UCK2: variants seen among roughly 807,000 people sequenced by gnomAD.
UCK2 encodes the protein cytidine monophosphokinase 2.
Under a neutral mutation model 30.8 loss-of-function variants are expected in UCK2, and 6 were observed. That is an observed-to-expected ratio of 0.19 (90% confidence interval 0.11 to 0.38). The LOEUF (loss-of-function observed/expected upper bound fraction) is 0.38, where lower values mean the gene tolerates loss of function less well. Among genes scored for constraint, UCK2 ranks in the 10% least tolerant of loss-of-function variants. The probability of loss-of-function intolerance (pLI) is 1.00; values close to 1 mark genes in which losing one functional copy is unlikely to be tolerated. For missense variants in UCK2, 210 were observed against 339.8 expected (o/e 0.62, Z 3.00); for synonymous variants, 125 against 133.6 (o/e 0.94, Z 0.45).
At chr1:165,854,463 C>T (rs1303915902) in intron 1 of UCK2, among the ~76,000 whole-genome samples, 1 of 152,116 alleles carries the variant, frequency 6.6e-6, no homozygotes, top group African/African-American at 2.4e-5. Context: ...TCACATACTG[C>T]AGAGAACCAA....
At chr1:165,884,105 G>C (rs936198875) in intron 1 of UCK2, among the ~76,000 whole-genome samples, 2 of 146,018 alleles carry the variant, frequency 1.4e-5, no homozygotes, top group African/African-American at 5.0e-5. Flanking sequence ...CTTTATGATA[G>C]TGACAGGGAA....
chr1:165,847,858 C>T (rs181535561), intron 1 of UCK2, among the ~76,000 whole-genome samples: 190 of 152,212 alleles, frequency 1.2e-3, no homozygotes, highest in Middle Eastern at 3.4e-3. Context: ...CAGTGGCGTA[C>T]TCTTGGCTCA....
In UCK2 at chr1:165,827,739, C is replaced by G. The variant is rs1653922091; in HGVS notation, c.-95C>G. On this transcript the variant is annotated 5_prime_UTR_variant, in exon 1 of 7. Transcript: ENST00000367879. The stretch of plus-strand genomic sequence containing the variant: ...CGGCCTCAGCCCCGGCAGCGCCCAG[C>G]GGCGGCTGCGGAAAGCGGAGGGAGT... 3 of 1,125,790 alleles carry G rather than the reference C, an allele frequency of 2.7e-6. No individual in the cohort carries two copies. 69.7% of individuals were successfully genotyped at this position (1,125,790 alleles called of 1,614,324 possible). A position where few individuals can be genotyped will look rare whatever the true frequency, so the allele number is the denominator to read the frequency against.
intron 1 of UCK2, among the ~76,000 whole-genome samples, chr1:165,866,000 C>T (rs1235958967): frequency 6.6e-6 from 1 of 152,122 alleles, no homozygotes; most frequent in Admixed American, 6.5e-5. Context: ...GAAGGGCTGC[C>T]TAAAACTGAG....
At chr1:165,849,981 G>A (rs1044136102) in intron 1 of UCK2, among the ~76,000 whole-genome samples, 4 of 152,134 alleles carry the variant, frequency 2.6e-5, no homozygotes, top group African/African-American at 9.7e-5. Flanking sequence ...GGATTAACAG[G>A]TAAGAGTTTG....
chr1:165,907,645 G>A (rs79016638), intron 6 of UCK2, 39 bp from the exon 7 acceptor site: 1 of 1,607,792 alleles, frequency 6.2e-7, no homozygotes. Context: ...CTGCACCCAT[G>A]CCTGCACCCG....
chr1:165,857,111 G>T (rs1203955863), intron 1 of UCK2, among the ~76,000 whole-genome samples: 2 of 152,122 alleles, frequency 1.3e-5, no homozygotes, highest in Admixed American at 6.5e-5. Context: ...GTCTTGTGGG[G>T]TAGATGGTAT....
chr1:165,907,559 C>G, intron 6 of UCK2, 125 bp from the exon 7 acceptor site: 2 of 1,361,494 alleles, frequency 1.5e-6, no homozygotes, highest in Admixed American at 5.1e-5. Flanking sequence ...CTGCAAGTGG[C>G]AGAGCCACTT....
chr1:165,890,058 C>T (rs1655726419), intron 1 of UCK2, 146 bp from the exon 2 acceptor site: 1 of 804,972 alleles, frequency 1.2e-6, no homozygotes, highest in Non-Finnish European at 2.0e-6. Context: ...AGCCCTTTAA[C>T]TCATCATGCA....
At chr1:165,836,757 G>A (rs530454517) in intron 1 of UCK2, among the ~76,000 whole-genome samples, 1 of 152,342 alleles carries the variant, frequency 6.6e-6, no homozygotes, top group East Asian at 1.9e-4. Context: ...GGCTCAGGAA[G>A]TTTTCATGTA....
At chr1:165,884,755 A>G (rs532376332) in intron 1 of UCK2, among the ~76,000 whole-genome samples, 1 of 152,316 alleles carries the variant, frequency 6.6e-6, no homozygotes, top group African/African-American at 2.4e-5. Flanking sequence ...GATTTTAGAG[A>G]AATATCCTTT....
chr1:165,905,976 C>A lies in UCK2; in HGVS notation c.646+7C>A, dbSNP rs1293544651. 1 of 1,613,038 alleles carries A rather than the reference C, an allele frequency of 6.2e-7. No individual in the cohort carries two copies. Among genetic ancestry groups the A allele is most frequent in the Non-Finnish European group, 8.5e-7 (1 of 1,179,122 alleles). On this transcript the variant is annotated splice_region_variant and intron_variant, in intron 6 of 6. Coordinates refer to ENST00000367879, the MANE Select transcript of UCK2 (RefSeq NM_012474.5). The stretch of plus-strand genomic sequence containing the variant: ...AGAGGTGCAGATAATCTGGGTGAGT[C>A]CCTGCAGAGTGTCATCCTGGAGTAT...
At chr1:165,890,454 C>A in intron 2 of UCK2, 91 bp downstream of exon 2, 1 of 1,318,952 alleles carries the variant, frequency 7.6e-7, no homozygotes, top group East Asian at 2.4e-5. Context: ...CTTAACCTCT[C>A]GGAATCTTGT....
intron 1 of UCK2, among the ~76,000 whole-genome samples, chr1:165,833,449 A>G (rs1571261620): frequency 6.6e-6 from 1 of 152,178 alleles, no homozygotes; most frequent in East Asian, 1.9e-4. Flanking sequence ...GTCTGGTAGA[A>G]TGAAGAAGAA....
intron 6 of UCK2, among the ~76,000 whole-genome samples, chr1:165,906,463 G>A (rs377648150): frequency 6.6e-6 from 1 of 152,190 alleles, no homozygotes; most frequent in Non-Finnish European, 1.5e-5. Context: ...CAGCTCATTT[G>A]CAGCCTCCAA....
At position 165,883,014 on chromosome 1, in the gene UCK2, C is replaced by T. The variant is rs1012554650; in HGVS notation, c.100-7190C>T. On this transcript the variant is annotated intron_variant, in intron 1 of 6. Transcript: ENST00000367879. Reference sequence around the variant, plus strand: ...TAATTTTTTGTATTTTTAGTAGAGACCGGGTTTCACCATGTTGGCCAGGAT... The same window carrying T: ...TAATTTTTTGTATTTTTAGTAGAGATCGGGTTTCACCATGTTGGCCAGGAT... Among the ~76,000 whole-genome samples the T allele has an allele frequency of 1.6e-4, 25 of 152,084 alleles. 1 individual carries two copies. Among genetic ancestry groups the T allele is most frequent in the South Asian group, 1.5e-3 (7 of 4,802 alleles).
chr1:165,836,493 G>T (rs928387133), intron 1 of UCK2, among the ~76,000 whole-genome samples: 18 of 152,258 alleles, frequency 1.2e-4, no homozygotes, highest in Admixed American at 1.1e-3. Context: ...AAAATTATAT[G>T]TCAAAATACA....
At chr1:165,901,079 A>G (rs1466084251) in intron 4 of UCK2, among the ~76,000 whole-genome samples, 1 of 152,032 alleles carries the variant, frequency 6.6e-6, no homozygotes, top group Non-Finnish European at 1.5e-5. Flanking sequence ...GCAGCTCCTT[A>G]GGGCTCCTTC....
chr1:165,880,557 TTTTTTGGGGG>T (rs1395228229), intron 1 of UCK2, among the ~76,000 whole-genome samples: 2 of 89,516 alleles, frequency 2.2e-5, no homozygotes, highest in Admixed American at 1.2e-4. Flanking sequence ...CCATTCAGTT[TTTTTTGGGGG>T]TGTGTGTGTG....
Sources: allele counts gnomAD v4.1 joint callset (sites outside exome capture counted in the v4.1 genomes callset), GRCh38; gene constraint gnomAD v4.1.1; transcripts MANE v1.5; gene names NCBI Gene and HGNC (gene_info 2026-07-23, HGNC 2026-07-21).